PLA2G4A: variants seen among roughly 807,000 people sequenced by gnomAD.
PLA2G4A encodes cytosolic phospholipase A2.
Under a neutral mutation model 81.9 loss-of-function variants are expected in PLA2G4A, and 40 were observed. That is an observed-to-expected ratio of 0.49 (90% confidence interval 0.38 to 0.64). The LOEUF (loss-of-function observed/expected upper bound fraction) is 0.64, where lower values mean the gene tolerates loss of function less well. Among genes scored for constraint, PLA2G4A ranks in the 30% least tolerant of loss-of-function variants. The pLI, the probability that PLA2G4A is intolerant of heterozygous loss-of-function variation, is 0.00. For synonymous variants in PLA2G4A, 302 were observed against 296.9 expected, an observed-to-expected ratio of 1.02 and a Z score of -0.18; for missense variants, 715 against 905.1, an observed-to-expected ratio of 0.79 and a Z score of 2.69.
At chr1:186,894,809 C>A (rs919060394) in intron 5 of PLA2G4A, among the ~76,000 whole-genome samples, 1 of 152,076 alleles carries the variant, frequency 6.6e-6, no homozygotes, top group Non-Finnish European at 1.5e-5. Context: ...AATAATGAAA[C>A]CTTAGGTAAA....
chr1:186,873,540 G>C (rs2102065110), intron 3 of PLA2G4A, among the ~76,000 whole-genome samples: 1 of 152,122 alleles, frequency 6.6e-6, no homozygotes, highest in South Asian at 2.1e-4. Context: ...TTGTGTGTCT[G>C]AGTGCTTTCT....
intron 2 of PLA2G4A, among the ~76,000 whole-genome samples, chr1:186,865,362 T>A: frequency 6.6e-6 from 1 of 152,124 alleles, no homozygotes; most frequent in East Asian, 1.9e-4. Context: ...ATGCTGATCA[T>A]TCTTTAAAAA....
At chr1:186,891,696 T>A (rs1654150298) in intron 3 of PLA2G4A, among the ~76,000 whole-genome samples, 1 of 152,244 alleles carries the variant, frequency 6.6e-6, no homozygotes, top group African/African-American at 2.4e-5. Flanking sequence ...TACCCATTCA[T>A]CTGTTGATGG....
Position 186,837,751 on chromosome 1 carries a change from AAG to A in PLA2G4A, c.-70+8718_-70+8719del, listed in dbSNP as rs1333524261. On this transcript the variant is annotated intron_variant, in intron 1 of 17. Coordinates refer to ENST00000367466, the MANE Select transcript of PLA2G4A (RefSeq NM_024420.3). ...GACTCCGTCTCAAAAAAAAAAAAAA[AAG>A]AAAAAGAAAAGAAAAAAAGAAAATA... Among the ~76,000 whole-genome samples, 3 of 145,816 alleles carry A rather than the reference AAG, an allele frequency of 2.1e-5. 1 individual carries two copies. In the South Asian group the frequency reaches 6.4e-4, roughly 31 times the overall value.
chr1:186,954,444 T>TG (rs1656670973), intron 13 of PLA2G4A, among the ~76,000 whole-genome samples: 1 of 151,798 alleles, frequency 6.6e-6, no homozygotes, highest in African/African-American at 2.4e-5. Flanking sequence ...TGTCAGGGTG[T>TG]GGGGGGCTGG....
intron 7 of PLA2G4A, among the ~76,000 whole-genome samples, chr1:186,927,505 C>T (rs1156794489): frequency 1.3e-5 from 2 of 152,022 alleles, no homozygotes; most frequent in Non-Finnish European, 2.9e-5. Flanking sequence ...ACTAGCCATA[C>T]CATAACGCGG....
intron 7 of PLA2G4A, among the ~76,000 whole-genome samples, chr1:186,919,559 T>C (rs1404239090): frequency 6.6e-6 from 1 of 152,186 alleles, no homozygotes. Context: ...GAAATTTTTG[T>C]AGGTCTCAAG....
intron 15 of PLA2G4A, among the ~76,000 whole-genome samples, chr1:186,973,478 T>C (rs12720680): frequency 0.25 from 38,062 of 152,066 alleles, 4,961 homozygotes; most frequent in African/African-American, 0.29. Context: ...CCAAATAAGG[T>C]CATATTCACA....
intron 7 of PLA2G4A, among the ~76,000 whole-genome samples, chr1:186,923,932 G>A (rs1012172796): frequency 1.6e-4 from 24 of 152,148 alleles, no homozygotes; most frequent in African/African-American, 5.8e-4. Context: ...TAAAAAGTTA[G>A]GAGATGACAA....
At chr1:186,956,955 G>A (rs1557891736) in intron 14 of PLA2G4A, among the ~76,000 whole-genome samples, 1 of 152,016 alleles carries the variant, frequency 6.6e-6, no homozygotes, top group Non-Finnish European at 1.5e-5. Context: ...TTGGGAGGCC[G>A]AGACTGGTGG....
At chr1:186,925,938 T>G (rs1260693332) in intron 7 of PLA2G4A, among the ~76,000 whole-genome samples, 1 of 152,216 alleles carries the variant, frequency 6.6e-6, no homozygotes, top group Non-Finnish European at 1.5e-5. Context: ...CCTTGGTGAA[T>G]ATTTTGTTGC....
chr1:186,926,031 C>T (rs1008116354), intron 7 of PLA2G4A, among the ~76,000 whole-genome samples: 2 of 152,136 alleles, frequency 1.3e-5, no homozygotes, highest in Admixed American at 1.3e-4. Flanking sequence ...AACAGGAACA[C>T]GAGTATCAGG....
intron 7 of PLA2G4A, among the ~76,000 whole-genome samples, chr1:186,918,806 A>C (rs1431957605): frequency 6.6e-6 from 1 of 152,216 alleles, no homozygotes; most frequent in Non-Finnish European, 1.5e-5. Context: ...TACTTGGTTA[A>C]TCTAGCATTT....
intron 3 of PLA2G4A, among the ~76,000 whole-genome samples, chr1:186,891,737 T>TG (rs1287523062): frequency 6.6e-6 from 1 of 152,230 alleles, no homozygotes; most frequent in Admixed American, 6.5e-5. Context: ...TCTTAGCTAT[T>TG]GTAAATAGTG....
At chr1:186,831,841 A>G (rs1467724668) in intron 1 of PLA2G4A, among the ~76,000 whole-genome samples, 1 of 152,152 alleles carries the variant, frequency 6.6e-6, no homozygotes. Flanking sequence ...ACATGTTTAT[A>G]TGTCTAGATA....
rs754939258 is a variant in PLA2G4A at position 186,914,813 on chromosome 1, TG to T, written c.558+3425del. On this transcript the variant is annotated intron_variant, in intron 7 of 17. Coordinates refer to ENST00000367466, the MANE Select transcript of PLA2G4A (RefSeq NM_024420.3). ...GGTAGAAATTGGGCATAAGACAATA[TG>T]AGGGGTGGTCTCCTCCCTTATATCC... Among the ~76,000 whole-genome samples the T allele has an allele frequency of 8.4e-4, 128 of 152,268 alleles. 1 individual carries two copies. The highest frequency in any genetic ancestry group is 4.2e-4 in the South Asian group (2 of 4,818).
At chr1:186,976,647 A>C (rs1326795360) in intron 15 of PLA2G4A, among the ~76,000 whole-genome samples, 2 of 152,188 alleles carry the variant, frequency 1.3e-5, no homozygotes, top group African/African-American at 2.4e-5. Context: ...TGCTTCTCCC[A>C]CTATGATATT....
intron 1 of PLA2G4A, among the ~76,000 whole-genome samples, chr1:186,839,645 G>T (rs377722621): frequency 6.6e-6 from 1 of 152,126 alleles, no homozygotes; most frequent in Non-Finnish European, 1.5e-5. Flanking sequence ...TGAAGCAAAT[G>T]ACAGCACTTT....
At position 186,988,440 on chromosome 1, in the gene PLA2G4A, G is replaced by T; in HGVS notation, c.2182G>T (p.Val728Phe). The T allele has an allele frequency of 6.2e-7, 1 of 1,611,694 alleles. No homozygotes were observed. Among genetic ancestry groups the T allele is most frequent in the Admixed American group, 1.7e-5 (1 of 60,016 alleles). Residue 728 changes from valine to phenylalanine, a missense_variant, in exon 18 of 18, where the codon GTT (valine) becomes TTT (phenylalanine). Val to Phe is a conservative substitution (Grantham distance 50). Coordinates refer to ENST00000367466, the MANE Select transcript of PLA2G4A (RefSeq NM_024420.3). Reference protein sequence around the residue: ...YRRQNPSRCSVSLSNVEARRF... With the variant: ...YRRQNPSRCSFSLSNVEARRF... ...AAGACAGAATCCATCTCGTTGCTCT[G>T]TTTCCCTTAGTAATGTTGAGGCAAG...
Sources: gnomAD v4.1 joint callset for allele counts (sites outside exome capture counted in the v4.1 genomes callset) on GRCh38, gnomAD v4.1.1 for gene constraint, MANE v1.5 for transcripts, NCBI Gene and HGNC (gene_info 2026-07-23, HGNC 2026-07-21) for gene names.